KCNQ1: variants seen among roughly 807,000 people sequenced by gnomAD.
KCNQ1 encodes the protein potassium voltage-gated channel subfamily Q member 1.
A neutral mutation model predicts 72.4 loss-of-function variants in KCNQ1; 49 were observed. The observed-to-expected ratio is 0.68, with a 90% CI of 0.54 to 0.86. KCNQ1 has a LOEUF of 0.86. Among genes scored for constraint, KCNQ1 ranks in the 40% least tolerant of loss-of-function variants. KCNQ1 has a pLI of 0.00. For synonymous variants in KCNQ1, 450 were observed against 412.6 expected (o/e 1.09, Z -1.10); for missense variants, 790 against 945.1 (o/e 0.84, Z 2.15).
In KCNQ1 at chr11:2,447,850, A is replaced by G. The variant is rs1846064377; in HGVS notation, c.386+2366A>G. 1.3e-5 allele frequency among the ~76,000 whole-genome samples: 2 copies of G among 152,200 alleles called. No individual in the cohort carries two copies. The highest frequency in any genetic ancestry group is 2.1e-4 in the South Asian group (1 of 4,834). ...GGTGTTCCGCTGACCCTACAGGGCTAGGGCGAACTCTCCTGTGTGCGCCTG... is the reference window on the plus strand; with the variant it reads ...GGTGTTCCGCTGACCCTACAGGGCTGGGGCGAACTCTCCTGTGTGCGCCTG... On this transcript the variant is annotated intron_variant, in intron 1 of 15. Coordinates refer to ENST00000155840, the MANE Select transcript of KCNQ1 (RefSeq NM_000218.3). The surrounding 1 kb of genome is among the most constrained non-coding windows in gnomAD (Gnocchi z 7.6).
At chr11:2,801,637 A>G (rs1027441161) in intron 15 of KCNQ1, among the ~76,000 whole-genome samples, 1 of 152,306 alleles carries the variant, frequency 6.6e-6, no homozygotes, top group African/African-American at 2.4e-5. Context: ...CTCGTCTCCA[A>G]ACACAGTCAC....
intron 7 of KCNQ1, 111 bp from the exon 8 acceptor site, chr11:2,585,101 C>T (rs1848573164): frequency 3.1e-6 from 3 of 953,550 alleles, no homozygotes; most frequent in South Asian, 1.3e-5. Flanking sequence ...GGGCTTCCAG[C>T]ACTGACCATA....
chr11:2,723,902 G>C lies in KCNQ1; in HGVS notation c.1515-44942G>C, dbSNP rs1279249227. Among the ~76,000 whole-genome samples the C allele has an allele frequency of 6.6e-6, 1 of 152,216 alleles. No homozygotes were observed. The highest frequency in any genetic ancestry group is 1.5e-5 in the Non-Finnish European group (1 of 68,044). On this transcript the variant is annotated intron_variant, in intron 11 of 15. Coordinates refer to ENST00000155840, the MANE Select transcript of KCNQ1 (RefSeq NM_000218.3). This position sits in a 1 kb window ranked among gnomAD's most constrained non-coding sequence, Gnocchi z 4.2. ...CTCGGGACGAGGAAGTCACACGTTGGGGGATGTGCCGCAGGGATGGGGCAT... is the reference window on the plus strand; with the variant it reads ...CTCGGGACGAGGAAGTCACACGTTGCGGGATGTGCCGCAGGGATGGGGCAT...
At chr11:2,801,868 C>T (rs1847273426) in intron 15 of KCNQ1, among the ~76,000 whole-genome samples, 2 of 152,228 alleles carry the variant, frequency 1.3e-5, no homozygotes, top group African/African-American at 4.8e-5. Context: ...GATGGTGTCC[C>T]CGCAGCCCCT....
chr11:2,643,979 G>C (rs936882308), intron 10 of KCNQ1: 5 of 398,404 alleles, frequency 1.3e-5, no homozygotes, highest in Admixed American at 4.4e-5. Context: ...TAGTCTGCAG[G>C]TTGTTCCCTT....
chr11:2,487,766 A>C (rs567696495), intron 1 of KCNQ1, among the ~76,000 whole-genome samples: 2 of 152,188 alleles, frequency 1.3e-5, no homozygotes, highest in South Asian at 4.1e-4. Context: ...GTTTTTGTGG[A>C]ATCTTTAGGG....
At chr11:2,596,733 C>T (rs118018121) in intron 10 of KCNQ1, among the ~76,000 whole-genome samples, 4,840 of 151,856 alleles carry the variant, frequency 0.032, 133 homozygotes, top group Middle Eastern at 0.058. Context: ...CAAAAGGGCA[C>T]AAAAAAACTT....
At position 2,473,454 on chromosome 11, in the gene KCNQ1, T is replaced by TGAGC. The variant is rs1159189004; in HGVS notation, c.386+27972_386+27975dup. ...ATGTGAGGGGCTGGGCCCTCCCAGG[T>TGAGC]GAGCGGGTTGGGAAAGGAAAGGGTC... is the stretch of plus-strand genomic sequence containing the variant. On this transcript the variant is annotated intron_variant, in intron 1 of 15. Transcript: ENST00000155840. This position sits in a 1 kb window ranked among gnomAD's most constrained non-coding sequence, Gnocchi z 6.0. Among the ~76,000 whole-genome samples, 1 of 151,804 alleles carries TGAGC rather than the reference T, an allele frequency of 6.6e-6. No homozygotes were observed. Among genetic ancestry groups the TGAGC allele is most frequent in the Non-Finnish European group, 1.5e-5 (1 of 67,946 alleles).
At chr11:2,705,813 G>A (rs934362348) in intron 11 of KCNQ1, among the ~76,000 whole-genome samples, 8 of 152,202 alleles carry the variant, frequency 5.3e-5, no homozygotes, top group Admixed American at 3.3e-4. Flanking sequence ...TTTGTTTTAC[G>A]CATTAAAAGG....
At chr11:2,814,418 G>A (rs73421333) in intron 15 of KCNQ1, among the ~76,000 whole-genome samples, 161 of 151,404 alleles carry the variant, frequency 1.1e-3, no homozygotes, top group African/African-American at 3.6e-3. Context: ...TGGTGGGTGG[G>A]TGGATGGATG....
chr11:2,548,114 C>T (rs1297386684), intron 2 of KCNQ1, among the ~76,000 whole-genome samples: 2 of 152,164 alleles, frequency 1.3e-5, no homozygotes, highest in Non-Finnish European at 2.9e-5. Flanking sequence ...AACGCCGCCC[C>T]TCTGACTGGT....
intron 11 of KCNQ1, among the ~76,000 whole-genome samples, chr11:2,709,081 C>T (rs1220766363): frequency 1.3e-5 from 2 of 152,182 alleles, no homozygotes; most frequent in African/African-American, 4.8e-5. Flanking sequence ...CTCCCTGAGG[C>T]TGCCATCACT....
chr11:2,625,848 C>T (rs1405466619), intron 10 of KCNQ1: 9 of 398,504 alleles, frequency 2.3e-5, no homozygotes, highest in East Asian at 3.6e-5. Context: ...GGATTACAGG[C>T]GTGAGCCACC....
At chr11:2,699,775 C>A in intron 11 of KCNQ1, 1 of 397,942 alleles carries the variant, frequency 2.5e-6, no homozygotes, top group Admixed American at 4.4e-5. Context: ...TGAGGAGCCC[C>A]GAGGAGAACC....
intron 11 of KCNQ1, among the ~76,000 whole-genome samples, chr11:2,757,985 T>C (rs1036891070): frequency 5.3e-5 from 8 of 152,132 alleles, no homozygotes; most frequent in Non-Finnish European, 2.9e-5. Flanking sequence ...GAGGAGATAG[T>C]ATTTAGGATT....
At chr11:2,532,261 C>T (rs1045094105) in intron 2 of KCNQ1, among the ~76,000 whole-genome samples, 6 of 152,234 alleles carry the variant, frequency 3.9e-5, no homozygotes, top group African/African-American at 1.2e-4. Flanking sequence ...ACAAGCTCTG[C>T]ATGGCGCTTC....
At chr11:2,503,022 A>T (rs998498616) in intron 1 of KCNQ1, among the ~76,000 whole-genome samples, 3 of 151,898 alleles carry the variant, frequency 2.0e-5, no homozygotes, top group Non-Finnish European at 4.4e-5. Flanking sequence ...CTCACCATAT[A>T]AAAAAAACAA....
chr11:2,719,671 A>T (rs547602986), intron 11 of KCNQ1, among the ~76,000 whole-genome samples: 72 of 152,280 alleles, frequency 4.7e-4, no homozygotes, highest in African/African-American at 1.7e-3. Flanking sequence ...CAGCAGTAGC[A>T]AAGGAAACCA....
chr11:2,484,154 T>A lies in KCNQ1; in HGVS notation c.386+38670T>A, dbSNP rs974173434. Among the ~76,000 whole-genome samples, 1 of 152,222 alleles carries A rather than the reference T, an allele frequency of 6.6e-6. No homozygotes were observed. The highest frequency in any genetic ancestry group is 2.4e-5 in the African/African-American group (1 of 41,454). ...GGGCTATAAGCCAATGCTATTATTATTTATTTTCCTCCATTTATTTATTTA... is the reference window on the plus strand; with the variant it reads ...GGGCTATAAGCCAATGCTATTATTAATTATTTTCCTCCATTTATTTATTTA... On this transcript the variant is annotated intron_variant, in intron 1 of 15. Coordinates refer to ENST00000155840, the MANE Select transcript of KCNQ1 (RefSeq NM_000218.3). The surrounding 1 kb of genome is among the most constrained non-coding windows in gnomAD (Gnocchi z 5.2).
Sources: gnomAD v4.1 joint callset for allele counts (sites outside exome capture counted in the v4.1 genomes callset) on GRCh38, gnomAD v4.1.1 for gene constraint, Gnocchi (gnomAD v3.1) non-coding constraint, MANE v1.5 for transcripts, NCBI Gene and HGNC (gene_info 2026-07-23, HGNC 2026-07-21) for gene names.